HPS3: variants seen among roughly 807,000 people sequenced by gnomAD.
The protein encoded by HPS3 is BLOC-2 complex member HPS3.
In HPS3, 79 loss-of-function variants were observed where a neutral mutation model predicts 110.9. That is an observed-to-expected ratio of 0.71 (90% CI 0.59 to 0.86). The LOEUF is 0.86. Ranked by LOEUF, HPS3 falls within the 40% of genes least tolerant of loss-of-function variation. The pLI, the probability that HPS3 is intolerant of heterozygous loss-of-function variation, is 0.00. For missense variants in HPS3, 1,197 were observed against 1,206.2 expected (o/e 0.99, Z 0.11); for synonymous variants, 428 against 451.0 (o/e 0.95, Z 0.65).
In HPS3 at chr3:149,172,355, CAT is replaced by C. The variant is rs1553756781; in HGVS notation, c.*138_*139del. 5.2e-4 allele frequency: 319 copies of C among 619,228 alleles called. No individual in the cohort carries two copies. The highest frequency in any genetic ancestry group is 4.6e-3 in the African/African-American group (248 of 53,752). 38.4% of individuals were successfully genotyped at this position (619,228 alleles called of 1,614,324 possible). A position where few individuals can be genotyped will look rare whatever the true frequency, so the allele number is the denominator to read the frequency against. On this transcript the variant is annotated 3_prime_UTR_variant, in exon 17 of 17. Transcript: ENST00000296051. ...ACACACACACACACACACACACACA[CAT>C]ATATGATACAAATGCTTTCAGGCTG... is the stretch of plus-strand genomic sequence containing the variant.
chr3:149,158,227 A>G (rs561919118), intron 9 of HPS3, among the ~76,000 whole-genome samples: 9 of 152,326 alleles, frequency 5.9e-5, no homozygotes, highest in Non-Finnish European at 1.2e-4. Flanking sequence ...ATCCACATGA[A>G]TGGTTAAAAA....
intron 15 of HPS3, 143 bp from the exon 16 acceptor site, chr3:149,167,750 A>G: frequency 1.5e-6 from 1 of 684,270 alleles, no homozygotes; most frequent in Non-Finnish European, 2.7e-6. Context: ...TGCTGATATA[A>G]CTTATGTTAT....
intron 7 of HPS3, 147 bp downstream of exon 7, chr3:149,153,795 G>C: frequency 1.2e-6 from 1 of 807,426 alleles, no homozygotes; most frequent in Non-Finnish European, 2.1e-6. Flanking sequence ...AAGAAAAGAA[G>C]GTTCTAACAA....
Position 149,152,099 on chromosome 3 carries a change from G to A in HPS3, c.1246-1395G>A, listed in dbSNP as rs545481193. Among the ~76,000 whole-genome samples, 4 of 152,304 alleles carry A rather than the reference G, an allele frequency of 2.6e-5. No individual in the cohort carries two copies. The East Asian group carries it at 7.7e-4, about 29-fold the overall frequency. ...CTGCTGTCAGCCTCTTGGGAAACCA[G>A]AACCACAGATTTCCTGTGCCTTTGT... On this transcript the variant is annotated intron_variant, in intron 6 of 16. Transcript: ENST00000296051.
At chr3:149,165,245 C>T (rs1226039496) in intron 14 of HPS3, among the ~76,000 whole-genome samples, 1 of 152,086 alleles carries the variant, frequency 6.6e-6, no homozygotes, top group Non-Finnish European at 1.5e-5. Flanking sequence ...CTAGATCATA[C>T]ACACTAATTA....
intron 1 of HPS3, chr3:149,130,272 A>AT (rs1156570488): frequency 2.4e-6 from 1 of 411,172 alleles, no homozygotes; most frequent in Non-Finnish European, 4.4e-6. Context: ...AGTGCATCAG[A>AT]TTTCAAAGAC....
intron 5 of HPS3, 37 bp downstream of exon 5, chr3:149,145,583 C>T (rs1367469906): frequency 5.2e-6 from 8 of 1,547,906 alleles, no homozygotes; most frequent in Non-Finnish European, 7.1e-6. Context: ...CTGTGAGTCA[C>T]TTATTTGTAA....
intron 5 of HPS3, among the ~76,000 whole-genome samples, chr3:149,147,054 AG>A: frequency 6.6e-6 from 1 of 152,272 alleles, no homozygotes; most frequent in East Asian, 1.9e-4. Flanking sequence ...TGAAAGGAGA[AG>A]GGAGGATGCA....
intron 1 of HPS3, among the ~76,000 whole-genome samples, chr3:149,136,881 G>T (rs62274994): frequency 0.12 from 18,231 of 152,044 alleles, 1,362 homozygotes; most frequent in Admixed American, 0.18. Context: ...GAATAAAAAG[G>T]TTTTATTGTA....
chr3:149,163,931 A>G lies in HPS3; in HGVS notation c.2571A>G (p.Glu857=), dbSNP rs2108173627. The part of the protein sequence containing the change: ...SDSLADKNYT[E]DLSKLQSLIC... Reference sequence around the variant, plus strand: ...CTTTAGCTGATAAAAATTATACAGAAGATCTTTCAAAATTACAGGTAAGTA... The same window carrying G: ...CTTTAGCTGATAAAAATTATACAGAGGATCTTTCAAAATTACAGGTAAGTA... The change falls in exon 14 of 17, where the codon GAA becomes GAG. Residue 857 remains glutamate (E), a synonymous_variant. Coordinates refer to ENST00000296051, the MANE Select transcript of HPS3 (RefSeq NM_032383.5). The G allele has an allele frequency of 6.6e-7, 1 of 1,520,190 alleles. No homozygotes were observed. The highest frequency in any genetic ancestry group is 9.1e-7 in the Non-Finnish European group (1 of 1,094,434). 94.2% of individuals were successfully genotyped at this position (1,520,190 alleles called of 1,614,324 possible).
chr3:149,141,531 GTTTTTTTT>G (rs10718838), intron 4 of HPS3, 151 bp downstream of exon 4: 1 of 380,804 alleles, frequency 2.6e-6, no homozygotes, highest in Admixed American at 4.7e-5. Context: ...TTTTTTTTTT[GTTTTTTTT>G]TTTTTTTTTT....
In HPS3 at chr3:149,172,111, T is replaced by C; in HGVS notation, c.2904T>C (p.Val968=). The C allele has an allele frequency of 6.2e-7, 1 of 1,613,242 alleles. No individual in the cohort carries two copies. The highest frequency in any genetic ancestry group is 8.5e-7 in the Non-Finnish European group (1 of 1,179,258). ...TCTACACAGAAACATTGTCAATTGT[T>C]GCTGTGGAACTAGAACTGAAGGATT... ...LSSLKETLSI[V]AVELELKDFM... is the part of the protein sequence containing the mutation. The change falls in exon 17 of 17, where the codon GTT becomes GTC. Residue 968 remains valine, a synonymous_variant. Transcript: ENST00000296051.
At chr3:149,172,051 AAGAC>A (rs1251438910) in intron 16 of HPS3, 40 bp from the exon 17 acceptor site, 2 of 1,600,426 alleles carry the variant, frequency 1.2e-6, no homozygotes, top group African/African-American at 2.7e-5. Flanking sequence ...GATTGAATGA[AAGAC>A]AGACTTTCAA....
intron 5 of HPS3, 82 bp downstream of exon 5, chr3:149,145,628 T>C: frequency 9.5e-7 from 1 of 1,057,842 alleles, no homozygotes; most frequent in Non-Finnish European, 1.5e-6. Context: ...GTGAGAATTG[T>C]GTGAACTAGC....
In HPS3 at chr3:149,133,447, C is replaced by T. The variant is rs549099545; in HGVS notation, c.217+3507C>T. 8.5e-5 allele frequency among the ~76,000 whole-genome samples: 13 copies of T among 152,116 alleles called. No individual in the cohort carries two copies. The South Asian group carries it at 1.9e-3, about 22-fold the overall frequency. ...CCAAGTAGCTGGGGTTACAGGCATG[C>T]GCTACCACTTGTGGCGAATTTTGTA... On this transcript the variant is annotated intron_variant, in intron 1 of 16. Transcript: ENST00000296051.
chr3:149,166,585 T>C (rs1724436667), intron 14 of HPS3, among the ~76,000 whole-genome samples: 1 of 152,250 alleles, frequency 6.6e-6, no homozygotes, highest in Non-Finnish European at 1.5e-5. Flanking sequence ...GATGGCTGTG[T>C]AATGTTCCAT....
At chr3:149,134,102 T>TTTTTTG (rs1335907960) in intron 1 of HPS3, among the ~76,000 whole-genome samples, 4 of 152,190 alleles carry the variant, frequency 2.6e-5, no homozygotes, top group African/African-American at 9.7e-5. Flanking sequence ...CTGTCATTGG[T>TTTTTTG]TTTTTGTTTT....
At chr3:149,145,304 CTTTA>C (rs764037488) in intron 4 of HPS3, 46 bp from the exon 5 acceptor site, 1 of 1,380,026 alleles carries the variant, frequency 7.2e-7, no homozygotes, top group East Asian at 2.3e-5. Context: ...TTATTTCCCC[CTTTA>C]TTTACTGGTT....
intron 1 of HPS3, among the ~76,000 whole-genome samples, chr3:149,138,017 G>T (rs1722219726): frequency 6.6e-6 from 1 of 151,808 alleles, no homozygotes; most frequent in Non-Finnish European, 1.5e-5. Flanking sequence ...ATTTACTGGG[G>T]GAATTTTAGG....
Sources: allele counts gnomAD v4.1 joint callset (sites outside exome capture counted in the v4.1 genomes callset), GRCh38; gene constraint gnomAD v4.1.1; transcripts MANE v1.5; gene names NCBI Gene and HGNC (gene_info 2026-07-23, HGNC 2026-07-21).